The following PHACTR4 variants were observed in gnomAD, a reference collection of about 807,000 sequenced individuals.
The protein encoded by PHACTR4 is protein phosphatase 1, regulatory subunit 124.
PHACTR4 carries 51 observed loss-of-function variants against 72.7 expected under a neutral mutation model. The observed-to-expected ratio is 0.70, with a 90% CI of 0.56 to 0.89. The LOEUF is 0.89. PHACTR4 is among the 40% of genes least tolerant of loss of function. The probability of loss-of-function intolerance (pLI) is 0.00; values close to 1 mark genes in which losing one functional copy is unlikely to be tolerated. For synonymous variants in PHACTR4, 255 were observed against 302.5 expected (o/e 0.84, Z 1.63); for missense variants, 731 against 861.8 (o/e 0.85, Z 1.90).
rs1482712262 is a variant in PHACTR4, at chr1:28,459,354, C to CTA, written c.190+98_190+99dup. ...TATCTTCCCAAGTTTCTGTAGTCCT[C>CTA]TATTTGAAGAGGGTATTTAATGTTT... On this transcript the variant is annotated intron_variant, in intron 3 of 13. Transcript: ENST00000373839. 8 of 837,870 alleles carry CTA rather than the reference C, an allele frequency of 9.5e-6. No homozygotes were observed. In the East Asian group the frequency reaches 1.2e-4, roughly 12 times the overall value. 51.9% of individuals were successfully genotyped at this position (837,870 alleles called of 1,614,324 possible).
intron 1 of PHACTR4, 56 bp downstream of exon 1, chr1:28,369,881 C>CTGCGGG: frequency 4.8e-6 from 2 of 418,738 alleles, no homozygotes; most frequent in Admixed American, 5.6e-5. Context: ...CAGGCTGCGG[C>CTGCGGG]CTCCTCTCAG....
intron 9 of PHACTR4, among the ~76,000 whole-genome samples, chr1:28,487,504 C>G (rs1296944887): frequency 7.1e-6 from 1 of 140,900 alleles, no homozygotes; most frequent in Non-Finnish European, 1.5e-5. Flanking sequence ...CAGAGTGAGA[C>G]CCTGACACAC....
In PHACTR4 at chr1:28,498,408, A is replaced by G. The variant is rs777561589; in HGVS notation, c.*1859A>G. On this transcript the variant is annotated 3_prime_UTR_variant, in exon 14 of 14. Coordinates refer to ENST00000373839, the MANE Select transcript of PHACTR4 (RefSeq NM_001048183.3). ...CCCGCCCCTCTTCCACACTATAACC[A>G]GTATGGTTGGTGCTGGGGCATTGAC... 1.3e-5 allele frequency: 2 copies of G among 152,308 alleles called. No individual in the cohort carries two copies. Among genetic ancestry groups the G allele is most frequent in the Non-Finnish European group, 2.9e-5 (2 of 68,080 alleles). 9.4% of individuals were successfully genotyped at this position (152,308 alleles called of 1,614,324 possible). A position where few individuals can be genotyped will look rare whatever the true frequency, so the allele number is the denominator to read the frequency against.
intron 2 of PHACTR4, among the ~76,000 whole-genome samples, chr1:28,414,521 G>A (rs1284968708): frequency 1.3e-5 from 2 of 149,380 alleles, no homozygotes; most frequent in East Asian, 3.9e-4. Context: ...GGGACTATAG[G>A]CACATACCAC....
At chr1:28,380,474 A>G (rs1190702197) in intron 1 of PHACTR4, among the ~76,000 whole-genome samples, 5 of 152,144 alleles carry the variant, frequency 3.3e-5, no homozygotes, top group Non-Finnish European at 7.3e-5. Flanking sequence ...CCTAGTGCCC[A>G]TTAGTTATTT....
At chr1:28,456,166 A>G (rs990537153) in intron 2 of PHACTR4, among the ~76,000 whole-genome samples, 2 of 152,162 alleles carry the variant, frequency 1.3e-5, no homozygotes, top group African/African-American at 4.8e-5. Context: ...CAGGAAACAT[A>G]ATGCTTGCAA....
intron 5 of PHACTR4, 99 bp downstream of exon 5, chr1:28,465,948 G>A (rs1659134866): frequency 1.6e-6 from 2 of 1,214,636 alleles, no homozygotes; most frequent in Admixed American, 2.6e-5. Flanking sequence ...AATCTAGAGA[G>A]AATTACATTC....
intron 1 of PHACTR4, among the ~76,000 whole-genome samples, chr1:28,379,346 C>G (rs1269874626): frequency 1.3e-5 from 2 of 151,514 alleles, no homozygotes; most frequent in Non-Finnish European, 2.9e-5. Flanking sequence ...CAGCTCACTG[C>G]AACCTCTACC....
At chr1:28,409,687 A>G (rs1654624378) in intron 2 of PHACTR4, among the ~76,000 whole-genome samples, 1 of 152,136 alleles carries the variant, frequency 6.6e-6, no homozygotes, top group South Asian at 2.1e-4. Flanking sequence ...AACTGAGGTT[A>G]GGCTTTTTGG....
At chr1:28,465,984 A>G in intron 5 of PHACTR4, 135 bp downstream of exon 5, 1 of 858,120 alleles carries the variant, frequency 1.2e-6, no homozygotes. Flanking sequence ...TTAACTAGCA[A>G]CTTCAAGGGG....
chr1:28,422,330 G>A (rs888575038), intron 2 of PHACTR4, among the ~76,000 whole-genome samples: 2 of 152,182 alleles, frequency 1.3e-5, no homozygotes, highest in East Asian at 1.9e-4. Flanking sequence ...AAAAAATACA[G>A]TATAAAAACT....
At chr1:28,483,223 G>T (rs1408010010) in intron 9 of PHACTR4, among the ~76,000 whole-genome samples, 1 of 151,914 alleles carries the variant, frequency 6.6e-6, no homozygotes, top group Admixed American at 6.6e-5. Flanking sequence ...ACAAGACCCT[G>T]TCTCGACAAA....
chr1:28,473,433 A>C, intron 6 of PHACTR4, 121 bp from the exon 7 acceptor site: 1 of 771,390 alleles, frequency 1.3e-6, no homozygotes, highest in South Asian at 1.9e-5. Flanking sequence ...TGGCAAAACT[A>C]TGAAATTATT....
At chr1:28,405,590 G>A (rs1372815030) in intron 1 of PHACTR4, among the ~76,000 whole-genome samples, 1 of 151,680 alleles carries the variant, frequency 6.6e-6, no homozygotes, top group African/African-American at 2.4e-5. Context: ...ACCTCCCAAA[G>A]TGCTGGGATT....
At chr1:28,375,959 C>T (rs1557771200) in intron 1 of PHACTR4, among the ~76,000 whole-genome samples, 1 of 152,004 alleles carries the variant, frequency 6.6e-6, no homozygotes, top group Non-Finnish European at 1.5e-5. Flanking sequence ...ATTCCAGATA[C>T]TTGGGAGGCT....
intron 1 of PHACTR4, among the ~76,000 whole-genome samples, chr1:28,387,103 A>G (rs973968100): frequency 1.3e-5 from 2 of 152,078 alleles, no homozygotes; most frequent in South Asian, 2.1e-4. Flanking sequence ...TCTACTAAAA[A>G]TACAAAAATT....
intron 2 of PHACTR4, among the ~76,000 whole-genome samples, chr1:28,421,937 T>C (rs1655535480): frequency 6.6e-6 from 1 of 152,218 alleles, no homozygotes; most frequent in Admixed American, 6.5e-5. Context: ...CAAAGGTGAA[T>C]GATGGATGGA....
chr1:28,465,756 A>G lies in PHACTR4; in HGVS notation c.343A>G (p.Arg115Gly), dbSNP rs1659120284. ...CCATACCACCCCCATAGGGAATGCC[A>G]GATCATCTAGTCCAGTCCAAGTAGA... ...NGHTTPIGNA[R>G]SSSPVQVEEE... Residue 115 changes from arginine (R) to glycine (G), a missense_variant, in exon 5 of 14, where the codon AGA (arginine) becomes GGA (glycine). Around this residue, in one of 2 missense-constraint regions of PHACTR4, gnomAD observed 621 missense variants for 676.6 expected, o/e 0.92. Transcript: ENST00000373839. The G allele has an allele frequency of 2.5e-6, 4 of 1,614,010 alleles. No homozygotes were observed. The highest frequency in any genetic ancestry group is 2.7e-5 in the African/African-American group (2 of 74,918).
chr1:28,482,878 G>A (rs957562397), intron 9 of PHACTR4, among the ~76,000 whole-genome samples: 8 of 150,276 alleles, frequency 5.3e-5, no homozygotes, highest in Non-Finnish European at 1.2e-4. Context: ...GATCAAGGCC[G>A]CAGTATGCTG....
Sources: allele counts gnomAD v4.1 joint callset (sites outside exome capture counted in the v4.1 genomes callset), GRCh38; gene constraint gnomAD v4.1.1; regional missense constraint gnomAD v4.1.1; transcripts MANE v1.5; gene names NCBI Gene and HGNC (gene_info 2026-07-23, HGNC 2026-07-21).